DIP2C: variants seen among roughly 807,000 people sequenced by gnomAD.
DIP2C encodes the protein disco-interacting protein 2 homolog C.
In DIP2C, 33 loss-of-function variants were observed where a neutral mutation model predicts 192.4. The observed-to-expected ratio is 0.17, with a 90% confidence interval of 0.13 to 0.23. The LOEUF is 0.23. DIP2C is among the 10% of genes least tolerant of loss of function. The pLI is 1.00. For synonymous variants in DIP2C, 979 were observed against 864.1 expected, an observed-to-expected ratio of 1.13 and a Z score of -2.33; for missense variants, 1,537 against 2,110.1, an observed-to-expected ratio of 0.73 and a Z score of 5.32.
intron 17 of DIP2C, among the ~76,000 whole-genome samples, chr10:378,990 C>A (rs1962029404): frequency 6.6e-6 from 1 of 152,228 alleles, no homozygotes; most frequent in Non-Finnish European, 1.5e-5. Context: ...AGACTCTCAA[C>A]CTCCCTAAAA....
chr10:540,070 T>C (rs1447586865), intron 1 of DIP2C, among the ~76,000 whole-genome samples: 1 of 152,198 alleles, frequency 6.6e-6, no homozygotes, highest in African/African-American at 2.4e-5. Context: ...AGAAGCAGCA[T>C]CCACTGCAAC....
chr10:419,095 C>T lies in DIP2C; in HGVS notation c.709G>A (p.Gly237Ser). ...STGSRTAPKYGNAELMETGDG... is the reference protein window; with the variant it reads ...STGSRTAPKYSNAELMETGDG... Reference sequence around the variant, plus strand: ...CCGGTCTCCATGAGCTCGGCGTTGCCGTACTTGGGCGCTGTCCGGGACCCC... The same window carrying T: ...CCGGTCTCCATGAGCTCGGCGTTGCTGTACTTGGGCGCTGTCCGGGACCCC... Residue 237 changes from glycine (G) to serine (S), a missense_variant, in exon 6 of 37, where the codon GGC becomes AGC. Gly to Ser is a moderately conservative substitution (Grantham distance 56). Around this residue, in one of 4 missense-constraint regions of DIP2C, gnomAD observed 473 missense variants for 539.6 expected, o/e 0.88. Transcript: ENST00000280886. 3 of 1,614,278 alleles carry T rather than the reference C, an allele frequency of 1.9e-6. No individual in the cohort carries two copies. Among genetic ancestry groups the T allele is most frequent in the Non-Finnish European group, 2.5e-6 (3 of 1,180,048 alleles).
chr10:292,972 C>T (rs541358971), intron 32 of DIP2C, among the ~76,000 whole-genome samples: 2 of 152,358 alleles, frequency 1.3e-5, no homozygotes, highest in East Asian at 1.9e-4. Context: ...GCTCTGGAGA[C>T]GTCAAAACAA....
intron 8 of DIP2C, among the ~76,000 whole-genome samples, chr10:409,331 T>C (rs189322400): frequency 6.6e-6 from 1 of 152,132 alleles, no homozygotes; most frequent in Admixed American, 6.5e-5. Flanking sequence ...GCGCGGACAG[T>C]GCACACACCG....
chr10:623,441 C>T (rs1347609111), intron 1 of DIP2C, among the ~76,000 whole-genome samples: 1 of 143,070 alleles, frequency 7.0e-6, no homozygotes, highest in Non-Finnish European at 1.5e-5. Context: ...GGGATGAAAC[C>T]GAAATGCTGT....
At chr10:519,307 G>A (rs774693580) in intron 1 of DIP2C, among the ~76,000 whole-genome samples, 8 of 152,248 alleles carry the variant, frequency 5.3e-5, no homozygotes, top group African/African-American at 1.9e-4. Flanking sequence ...CCTGGGATGA[G>A]GTGGATGCCA....
chr10:617,866 A>G (rs1407182139), intron 1 of DIP2C, among the ~76,000 whole-genome samples: 1 of 152,106 alleles, frequency 6.6e-6, no homozygotes, highest in African/African-American at 2.4e-5. Context: ...ACTGCCCTCC[A>G]AGGGCACTCA....
intron 3 of DIP2C, among the ~76,000 whole-genome samples, chr10:447,656 G>A (rs1194199452): frequency 1.5e-5 from 2 of 135,168 alleles, no homozygotes; most frequent in Non-Finnish European, 3.0e-5. Flanking sequence ...GGGGCAGCAG[G>A]ACCCAATCAC....
chr10:509,598 C>CA (rs1349120673), intron 1 of DIP2C, among the ~76,000 whole-genome samples: 1 of 152,216 alleles, frequency 6.6e-6, no homozygotes, highest in African/African-American at 2.4e-5. Context: ...GGTGTGACCT[C>CA]ACTCTGCGCC....
At chr10:485,943 A>G (rs1843985307) in intron 2 of DIP2C, among the ~76,000 whole-genome samples, 1 of 152,222 alleles carries the variant, frequency 6.6e-6, no homozygotes, top group Non-Finnish European at 1.5e-5. Flanking sequence ...AAAGCTGCCA[A>G]TCTGCACACG....
intron 2 of DIP2C, among the ~76,000 whole-genome samples, chr10:480,007 G>A (rs887662220): frequency 7.4e-6 from 1 of 135,096 alleles, no homozygotes; most frequent in South Asian, 2.4e-4. Flanking sequence ...AGCTCCAGTC[G>A]ACGCTCACTG....
chr10:597,587 T>C (rs904596884), intron 1 of DIP2C, among the ~76,000 whole-genome samples: 1 of 152,204 alleles, frequency 6.6e-6, no homozygotes, highest in Non-Finnish European at 1.5e-5. Context: ...AAAGAATCAA[T>C]GTCACTTGCC....
intron 3 of DIP2C, among the ~76,000 whole-genome samples, chr10:446,661 G>A (rs1228263287): frequency 6.6e-6 from 1 of 152,178 alleles, no homozygotes; most frequent in Non-Finnish European, 1.5e-5. Flanking sequence ...ACCCAACTGT[G>A]GGCAGAGCGC....
chr10:428,087 T>TA (rs1439014810), intron 4 of DIP2C, among the ~76,000 whole-genome samples: 4 of 152,140 alleles, frequency 2.6e-5, no homozygotes, highest in Admixed American at 1.3e-4. Flanking sequence ...AGGAATAAAC[T>TA]ACTGATGCAT....
chr10:361,967 A>G (rs567826701), intron 22 of DIP2C, among the ~76,000 whole-genome samples: 1 of 152,170 alleles, frequency 6.6e-6, no homozygotes, highest in Non-Finnish European at 1.5e-5. Flanking sequence ...AACTGTGCCA[A>G]TCAAACACCA....
chr10:446,984 T>C (rs1968278911), intron 3 of DIP2C, among the ~76,000 whole-genome samples: 1 of 152,230 alleles, frequency 6.6e-6, no homozygotes, highest in African/African-American at 2.4e-5. Context: ...GGGTTTGATG[T>C]AGTAATAATT....
At chr10:605,593 G>A (rs1397503131) in intron 1 of DIP2C, among the ~76,000 whole-genome samples, 2 of 152,146 alleles carry the variant, frequency 1.3e-5, no homozygotes, top group Admixed American at 1.3e-4. Context: ...TGTGAAGACT[G>A]TCAGCAAACC....
chr10:351,732 G>A (rs979068071), intron 24 of DIP2C, among the ~76,000 whole-genome samples: 1 of 152,172 alleles, frequency 6.6e-6, no homozygotes. Flanking sequence ...ACAGATTTGG[G>A]GGCCTTTGAA....
At chr10:464,110 A>G (rs79006195) in intron 3 of DIP2C, among the ~76,000 whole-genome samples, 4 of 152,250 alleles carry the variant, frequency 2.6e-5, no homozygotes, top group Admixed American at 2.6e-4. Context: ...CTAAAACACC[A>G]AAAGCAATAG....
Sources: gnomAD v4.1 joint callset for allele counts (sites outside exome capture counted in the v4.1 genomes callset) on GRCh38, gnomAD v4.1.1 for gene constraint, gnomAD v4.1.1 regional missense constraint, MANE v1.5 for transcripts, NCBI Gene and HGNC (gene_info 2026-07-23, HGNC 2026-07-21) for gene names.